Variants in IQGAP2 observed in about 807,000 individuals in gnomAD.
IQGAP2 encodes the protein IQ motif containing GTPase activating protein 2, also known as ras GTPase-activating-like protein IQGAP2.
In IQGAP2, 173 loss-of-function variants were observed where a neutral mutation model predicts 201.3. The ratio of observed to expected loss-of-function variants is 0.86; its 90% CI spans 0.76 to 0.98. The LOEUF (loss-of-function observed/expected upper bound fraction) is 0.98. IQGAP2 is among the 50% of genes least tolerant of loss of function. The pLI is 0.00. For synonymous variants in IQGAP2, 675 were observed against 673.9 expected, an observed-to-expected ratio of 1.00 and a Z score of -0.03; for missense variants, 1,687 against 1,864.8, an observed-to-expected ratio of 0.90 and a Z score of 1.76.
chr5:76,452,207 G>T (rs1437076087), intron 1 of IQGAP2, among the ~76,000 whole-genome samples: 2 of 147,900 alleles, frequency 1.4e-5, no homozygotes, highest in African/African-American at 2.5e-5. Context: ...GAGCCACCAC[G>T]CCCAGCCCTT....
At chr5:76,428,891 G>A (rs1304284345) in intron 1 of IQGAP2, among the ~76,000 whole-genome samples, 1 of 151,174 alleles carries the variant, frequency 6.6e-6, no homozygotes, top group Non-Finnish European at 1.5e-5. Context: ...TCAGGAGTTC[G>A]AGACCAGGCT....
chr5:76,482,827 A>G (rs1051457827), intron 2 of IQGAP2, among the ~76,000 whole-genome samples: 6 of 152,220 alleles, frequency 3.9e-5, no homozygotes, highest in African/African-American at 1.4e-4. Context: ...CAAACAATGT[A>G]TGAACCATAG....
In IQGAP2 at chr5:76,658,573, T is replaced by A; in HGVS notation, c.2435T>A (p.Val812Glu). The A allele has an allele frequency of 6.2e-7, 1 of 1,614,114 alleles. No individual in the cohort carries two copies. The highest frequency in any genetic ancestry group is 8.5e-7 in the Non-Finnish European group (1 of 1,180,002). Reference sequence around the variant, plus strand: ...GTTGCACGATTAAGGGAAGAAGTAGTGACCAAGATCAGGGCCAATCAACAG... The same window carrying A: ...GTTGCACGATTAAGGGAAGAAGTAGAGACCAAGATCAGGGCCAATCAACAG... ...LEVARLREEV[V>E]TKIRANQQLE... The change falls in exon 21 of 36, where the codon GTG becomes GAG. Residue 812 changes from valine (V) to glutamate (E), a missense_variant. Transcript: ENST00000274364.
intron 1 of IQGAP2, among the ~76,000 whole-genome samples, chr5:76,452,996 C>T (rs374668475): frequency 1.3e-4 from 19 of 150,918 alleles, no homozygotes; most frequent in African/African-American, 2.9e-4. Flanking sequence ...CTGCAACCTC[C>T]GCCTCCCAGG....
chr5:76,473,672 G>C (rs1389849255), intron 2 of IQGAP2, among the ~76,000 whole-genome samples: 1 of 152,168 alleles, frequency 6.6e-6, no homozygotes, highest in Non-Finnish European at 1.5e-5. Context: ...TCTCTATGAT[G>C]TAGACTTTAT....
rs776973764 is a variant in IQGAP2 at position 76,600,973 on chromosome 5, G to A, written c.1232+1G>A. 6.2e-7 allele frequency: 1 copy of A among 1,609,616 alleles called. No homozygotes were observed. The highest frequency in any genetic ancestry group is 8.5e-7 in the Non-Finnish European group (1 of 1,176,490). On this transcript the variant is annotated splice_donor_variant, in intron 11 of 35. Transcript: ENST00000274364. LOFTEE classifies it high-confidence loss of function. ...ATCTGGACAAGGCATATGTGGAACGGTAAGGAACATTTTCCAAACCTTCTT... is the reference window on the plus strand; with the variant it reads ...ATCTGGACAAGGCATATGTGGAACGATAAGGAACATTTTCCAAACCTTCTT...
At chr5:76,655,864 A>T (rs1160335454) in intron 20 of IQGAP2, among the ~76,000 whole-genome samples, 1 of 152,208 alleles carries the variant, frequency 6.6e-6, no homozygotes, top group Non-Finnish European at 1.5e-5. Flanking sequence ...TTTACAGATC[A>T]TAAGTTGATT....
chr5:76,617,675 C>CA (rs1749117332), intron 13 of IQGAP2: 2 of 1,613,834 alleles, frequency 1.2e-6, no homozygotes, highest in African/African-American at 1.3e-5. Context: ...TACCCAGGCA[C>CA]AAAGCTATGA....
chr5:76,520,471 A>ATGAGTACTCTAACTACCC (rs1758606223), intron 2 of IQGAP2, among the ~76,000 whole-genome samples: 1 of 152,042 alleles, frequency 6.6e-6, no homozygotes, highest in Admixed American at 6.5e-5. Context: ...GCATTATAGT[A>ATGAGTACTCTAACTACCC]AGTCTTAAAA....
intron 17 of IQGAP2, among the ~76,000 whole-genome samples, chr5:76,652,214 T>C (rs1752572932): frequency 6.6e-6 from 1 of 152,198 alleles, no homozygotes; most frequent in African/African-American, 2.4e-5. Flanking sequence ...TTTAACTTTA[T>C]GTGGGGATAT....
At chr5:76,424,758 G>T (rs139933857) in intron 1 of IQGAP2, among the ~76,000 whole-genome samples, 1 of 152,324 alleles carries the variant, frequency 6.6e-6, no homozygotes, top group Non-Finnish European at 1.5e-5. Flanking sequence ...GCTGGGCTCT[G>T]GCTCTGTCAT....
At chr5:76,565,712 G>T (rs144941663) in intron 3 of IQGAP2, among the ~76,000 whole-genome samples, 2 of 152,324 alleles carry the variant, frequency 1.3e-5, no homozygotes, top group Admixed American at 6.5e-5. Flanking sequence ...ATGAAGGAAT[G>T]AATGACAATA....
chr5:76,532,279 C>T lies in IQGAP2; in HGVS notation c.147-30117C>T, dbSNP rs113734757. Among the ~76,000 whole-genome samples the T allele has an allele frequency of 9.4e-4, 143 of 152,122 alleles. 1 individual carries two copies. Among genetic ancestry groups the T allele is most frequent in the African/African-American group, 3.3e-3 (138 of 41,490 alleles). On this transcript the variant is annotated intron_variant, in intron 2 of 35. Coordinates refer to ENST00000274364, the MANE Select transcript of IQGAP2 (RefSeq NM_006633.5). ...CCCAGATACTCAAGAGGCTGAATTG[C>T]GAGCATTGCTTGAGGCTAGGAGTTT...
intron 1 of IQGAP2, among the ~76,000 whole-genome samples, chr5:76,407,425 G>A (rs1750857819): frequency 6.6e-6 from 1 of 152,216 alleles, no homozygotes; most frequent in South Asian, 2.1e-4. Flanking sequence ...TTCTGAAGTA[G>A]TTAAACGCAG....
intron 2 of IQGAP2, 80 bp from the exon 3 acceptor site, chr5:76,562,316 C>T: frequency 9.8e-7 from 1 of 1,019,380 alleles, no homozygotes; most frequent in Admixed American, 2.1e-5. Context: ...CCAACACACA[C>T]AGCGAAATGC....
intron 2 of IQGAP2, among the ~76,000 whole-genome samples, chr5:76,533,374 T>C (rs912462561): frequency 2.6e-5 from 4 of 152,092 alleles, no homozygotes; most frequent in African/African-American, 9.7e-5. Flanking sequence ...CTTTACAAAA[T>C]TGATCTTTAA....
intron 35 of IQGAP2, among the ~76,000 whole-genome samples, chr5:76,703,236 G>C (rs550637592): frequency 6.6e-6 from 1 of 152,196 alleles, no homozygotes; most frequent in South Asian, 2.1e-4. Context: ...GTTCACTGCA[G>C]CCTCAACCTC....
intron 20 of IQGAP2, among the ~76,000 whole-genome samples, chr5:76,655,970 G>C (rs1752878980): frequency 6.6e-6 from 1 of 152,192 alleles, no homozygotes; most frequent in African/African-American, 2.4e-5. Context: ...ACAGTGCCTA[G>C]TAAGTTTAGC....
intron 2 of IQGAP2, among the ~76,000 whole-genome samples, chr5:76,513,343 A>G (rs1758102696): frequency 6.6e-6 from 1 of 152,214 alleles, no homozygotes; most frequent in Non-Finnish European, 1.5e-5. Context: ...CAGGAAGGGA[A>G]AGCTCTGGGT....
Sources: gnomAD v4.1 joint callset for allele counts (sites outside exome capture counted in the v4.1 genomes callset) on GRCh38, gnomAD v4.1.1 for gene constraint, MANE v1.5 for transcripts, NCBI Gene and HGNC (gene_info 2026-07-23, HGNC 2026-07-21) for gene names.